SGSM1: variants seen among roughly 807,000 people sequenced by gnomAD.
SGSM1 encodes the protein small G protein signaling modulator 1.
A neutral mutation model predicts 133.8 loss-of-function variants in SGSM1; 73 were observed. The ratio of observed to expected loss-of-function variants is 0.55; its 90% CI spans 0.45 to 0.66. The LOEUF (loss-of-function observed/expected upper bound fraction) is 0.66, where lower values mean the gene tolerates loss of function less well. SGSM1 is among the 30% of genes least tolerant of loss of function. The probability of loss-of-function intolerance (pLI) is 0.00; values close to 1 mark genes in which losing one functional copy is unlikely to be tolerated. For synonymous variants in SGSM1, 563 were observed against 573.0 expected, an observed-to-expected ratio of 0.98 and a Z score of 0.25; for missense variants, 1,213 against 1,448.1, an observed-to-expected ratio of 0.84 and a Z score of 2.64.
intron 16 of SGSM1, among the ~76,000 whole-genome samples, chr22:24,892,417 A>G (rs1055487664): frequency 1.3e-5 from 2 of 152,182 alleles, no homozygotes; most frequent in Admixed American, 1.3e-4. Flanking sequence ...CTCAGGGACA[A>G]TGGAAGCTCC....
Position 24,927,256 on chromosome 22 carries a change from C to G in SGSM1, c.*2982C>G, listed in dbSNP as rs1246883196. ...CAGTGGGGGAAACTGGATTCCGTAT[C>G]TTGCATCCTCCAGCAGGCTAGCTTA... On this transcript the variant is annotated 3_prime_UTR_variant, in exon 25 of 25. Coordinates refer to ENST00000400358, the MANE Select transcript of SGSM1 (RefSeq NM_001098497.3). The G allele has an allele frequency of 6.6e-6, 1 of 152,244 alleles. No homozygotes were observed. Among genetic ancestry groups the G allele is most frequent in the Non-Finnish European group, 1.5e-5 (1 of 68,078 alleles). 9.4% of individuals were successfully genotyped at this position (152,244 alleles called of 1,614,324 possible). A position where few individuals can be genotyped will look rare whatever the true frequency, so the allele number is the denominator to read the frequency against.
At chr22:24,901,983 AGGGGATGGGGATGGTGGGTGGGTGGGATG>A in intron 20 of SGSM1, 26 bp downstream of exon 20, 1 of 107,004 alleles carries the variant, frequency 9.3e-6, no homozygotes, top group Non-Finnish European at 1.8e-5. Flanking sequence ...GAGGGGATCT[AGGGGATGGGGATGGTGGGTGGGTGGGATG>A]GGGGATGTAG....
chr22:24,867,038 C>A (rs768902858), intron 9 of SGSM1, 55 bp from the exon 10 acceptor site: 58 of 1,577,052 alleles, frequency 3.7e-5, no homozygotes, highest in Non-Finnish European at 4.9e-5. Context: ...CTGAGCCCCT[C>A]CGCACAGTGG....
At chr22:24,830,461 G>A (rs1929052345) in intron 2 of SGSM1, among the ~76,000 whole-genome samples, 2 of 152,200 alleles carry the variant, frequency 1.3e-5, no homozygotes, top group Admixed American at 1.3e-4. Flanking sequence ...TGCAGCGTTT[G>A]GACTTGAGAC....
At chr22:24,862,107 A>G (rs1244027318) in intron 9 of SGSM1, among the ~76,000 whole-genome samples, 2 of 151,478 alleles carry the variant, frequency 1.3e-5, no homozygotes, top group African/African-American at 4.8e-5. Flanking sequence ...GGCATGCACC[A>G]CCATGCTAGT....
chr22:24,851,151 A>C (rs5996777), intron 5 of SGSM1, among the ~76,000 whole-genome samples: 3 of 152,012 alleles, frequency 2.0e-5, no homozygotes, highest in African/African-American at 7.2e-5. Flanking sequence ...GAGCCTTTTT[A>C]ACGTTTTCTC....
chr22:24,812,007 A>T (rs565978336), intron 2 of SGSM1, among the ~76,000 whole-genome samples: 37 of 151,820 alleles, frequency 2.4e-4, no homozygotes, highest in African/African-American at 8.5e-4. Flanking sequence ...TCATCTCTAC[A>T]AAAAATACAA....
intron 12 of SGSM1, among the ~76,000 whole-genome samples, chr22:24,873,745 C>T (rs1038623191): frequency 1.3e-5 from 2 of 152,100 alleles, no homozygotes; most frequent in African/African-American, 4.8e-5. Context: ...CCCAGCTACT[C>T]AGGAGACTGA....
chr22:24,877,546 C>T (rs989460921), intron 13 of SGSM1, among the ~76,000 whole-genome samples: 5 of 151,950 alleles, frequency 3.3e-5, no homozygotes, highest in East Asian at 1.9e-4. Flanking sequence ...TTTGTCCTTG[C>T]GGGGCTTCTG....
Position 24,847,622 on chromosome 22 carries a change from A to G in SGSM1, c.140-12A>G, listed in dbSNP as rs758621378. 10 of 1,612,296 alleles carry G rather than the reference A, an allele frequency of 6.2e-6. No individual in the cohort carries two copies. Among genetic ancestry groups the G allele is most frequent in the Admixed American group, 3.3e-5 (2 of 59,938 alleles). ...GGCAGGGCAGGGTCTGCTGACTGCC[A>G]TGTCCCTGCAGCGGCTGTGGAGGCC... is the stretch of plus-strand genomic sequence containing the variant. On this transcript the variant is annotated splice_polypyrimidine_tract_variant and intron_variant, in intron 3 of 24. Coordinates refer to ENST00000400358, the MANE Select transcript of SGSM1 (RefSeq NM_001098497.3).
chr22:24,891,760 G>C (rs79058609), intron 16 of SGSM1, among the ~76,000 whole-genome samples: 1 of 152,158 alleles, frequency 6.6e-6, no homozygotes, highest in Non-Finnish European at 1.5e-5. Flanking sequence ...CACCTAAGAC[G>C]GGCAGGGGTG....
In SGSM1 at chr22:24,868,377, T is replaced by A; in HGVS notation, c.996T>A (p.Val332=). The part of the protein sequence containing the change: ...EIVYLHCHQQ[V]DSGGTVVLVS... Reference sequence around the variant, plus strand: ...TTCTCTGGCTGGTGGTGGCGGCAGTTGACAGCGGCGGGACAGTGGTATTGG... The same window carrying A: ...TTCTCTGGCTGGTGGTGGCGGCAGTAGACAGCGGCGGGACAGTGGTATTGG... The change falls in exon 11 of 25, where the codon GTT becomes GTA. Residue 332 remains valine, a splice_region_variant and synonymous_variant. Transcript: ENST00000400358. 6.2e-7 allele frequency: 1 copy of A among 1,606,882 alleles called. No homozygotes were observed. Among genetic ancestry groups the A allele is most frequent in the Admixed American group, 1.7e-5 (1 of 59,060 alleles).
intron 5 of SGSM1, among the ~76,000 whole-genome samples, chr22:24,851,454 G>T (rs1400950023): frequency 2.9e-5 from 2 of 69,970 alleles, no homozygotes; most frequent in Non-Finnish European, 5.1e-5. Flanking sequence ...TGGGGGGAGA[G>T]AGAGAGAGAG....
intron 2 of SGSM1, among the ~76,000 whole-genome samples, chr22:24,840,741 C>A (rs906299360): frequency 4.6e-5 from 7 of 152,062 alleles, no homozygotes; most frequent in African/African-American, 1.7e-4. Context: ...TCTTTGAGAT[C>A]TTTCTTATTT....
At chr22:24,818,506 T>A (rs1173129378) in intron 2 of SGSM1, among the ~76,000 whole-genome samples, 1 of 151,652 alleles carries the variant, frequency 6.6e-6, no homozygotes, top group East Asian at 2.0e-4. Context: ...TAGCTGGGAC[T>A]ACAGGTGCCT....
rs539857169 is a variant in SGSM1, at chr22:24,874,697, A to G, written c.1292-1880A>G. On this transcript the variant is annotated intron_variant, in intron 12 of 24. Coordinates refer to ENST00000400358, the MANE Select transcript of SGSM1 (RefSeq NM_001098497.3). ...CAGGAAGGGAGATGGAGGCAGAGGG[A>G]TTGATGCCCTCCTGCTGTCCAGCCT... 5.9e-3 allele frequency: 7,760 copies of G among 1,313,072 alleles called. 30 individuals carry two copies. The highest frequency in any genetic ancestry group is 7.0e-3 in the Non-Finnish European group (6,863 of 982,794). The allele number at this position is 1,313,072 out of a possible 1,614,324, so 81.3% of individuals were successfully genotyped here. A position where few individuals can be genotyped will look rare whatever the true frequency, so the allele number is the denominator to read the frequency against.
At chr22:24,900,142 C>G (rs1420197688) in intron 19 of SGSM1, among the ~76,000 whole-genome samples, 1 of 151,730 alleles carries the variant, frequency 6.6e-6, no homozygotes. Context: ...CACCTCAGCC[C>G]CACAAGTAGC....
At chr22:24,875,421 CT>C (rs1931980559) in intron 12 of SGSM1, among the ~76,000 whole-genome samples, 2 of 152,016 alleles carry the variant, frequency 1.3e-5, no homozygotes, top group South Asian at 4.1e-4. Context: ...TTTATGGTTA[CT>C]TTTGCACTAG....
intron 2 of SGSM1, among the ~76,000 whole-genome samples, chr22:24,842,850 T>C (rs1469068721): frequency 6.6e-6 from 1 of 152,214 alleles, no homozygotes; most frequent in Non-Finnish European, 1.5e-5. Flanking sequence ...CCAGGTTCTG[T>C]GCTCAGCACA....
Sources: gnomAD v4.1 joint callset for allele counts (sites outside exome capture counted in the v4.1 genomes callset) on GRCh38, gnomAD v4.1.1 for gene constraint, MANE v1.5 for transcripts, NCBI Gene and HGNC (gene_info 2026-07-23, HGNC 2026-07-21) for gene names.